The following SRCIN1 variants were observed in gnomAD, a reference collection of about 807,000 sequenced individuals.
SRCIN1 encodes P130Cas-associated protein.
A neutral mutation model predicts 116.2 loss-of-function variants in SRCIN1; 50 were observed. The ratio of observed to expected loss-of-function variants is 0.43; its 90% confidence interval spans 0.34 to 0.54. The LOEUF is 0.54. Ranked by LOEUF, SRCIN1 falls within the 20% of genes least tolerant of loss-of-function variation. SRCIN1 has a pLI of 0.02. For missense variants in SRCIN1, 1,446 were observed against 1,672.0 expected (o/e 0.86, Z 2.36); for synonymous variants, 736 against 750.0 (o/e 0.98, Z 0.30).
chr17:38,593,414 C>G (rs990435990), intron 1 of SRCIN1, among the ~76,000 whole-genome samples: 1 of 151,886 alleles, frequency 6.6e-6, no homozygotes, highest in Admixed American at 6.6e-5. Flanking sequence ...AAAAGGGGCA[C>G]GAGGGAATGG....
Position 38,531,433 on chromosome 17 carries a change from G to A in SRCIN1, c.*1864C>T, listed in dbSNP as rs1202204335. 1 of 142,480 alleles carries A rather than the reference G, an allele frequency of 7.0e-6. No homozygotes were observed. Among genetic ancestry groups the A allele is most frequent in the Non-Finnish European group, 1.5e-5 (1 of 66,126 alleles). 8.8% of individuals were successfully genotyped at this position (142,480 alleles called of 1,614,324 possible). ...AAATATTTATATATATTTATATTAC[G>A]TATATTATATATATAATATGTAAAT... On this transcript the variant is annotated 3_prime_UTR_variant, in exon 19 of 19. Coordinates refer to ENST00000617146, the MANE Select transcript of SRCIN1 (RefSeq NM_025248.3).
At position 38,563,332 on chromosome 17, in the gene SRCIN1, T is replaced by C; in HGVS notation, c.731A>G (p.Glu244Gly). The C allele has an allele frequency of 6.4e-7, 1 of 1,571,900 alleles. No individual in the cohort carries two copies. The highest frequency in any genetic ancestry group is 8.6e-7 in the Non-Finnish European group (1 of 1,157,858). Reference sequence around the variant, plus strand: ...CCCGGTCCACGCCCACCGGACGTCCTCCAGCTCGTAGAAGACGTTGCGAGC... The same window carrying C: ...CCCGGTCCACGCCCACCGGACGTCCCCCAGCTCGTAGAAGACGTTGCGAGC... ...DEARNVFYEL[E>G]DVRDIQDRSI... Residue 244 changes from glutamate (E) to glycine (G), a missense_variant, in exon 5 of 19, where the codon GAG (glutamate) becomes GGG (glycine). Physicochemically the swap from Glu to Gly is moderately conservative, Grantham distance 98 (BLOSUM62 -2). This residue lies in a region of SRCIN1 where 239 missense variants were observed against 317.7 expected (regional missense o/e 0.75). Transcript: ENST00000617146. This position sits in a 1 kb window ranked among gnomAD's most constrained non-coding sequence, Gnocchi z 5.8.
chr17:38,598,830 G>A (rs536218879), intron 1 of SRCIN1, among the ~76,000 whole-genome samples: 110 of 152,270 alleles, frequency 7.2e-4, no homozygotes, highest in African/African-American at 2.5e-3. Flanking sequence ...ATGGAGTGTG[G>A]CAAAGCCAGT....
rs1391002665 is a variant in SRCIN1 at position 38,531,426 on chromosome 17, A to C, written c.*1871T>G. On this transcript the variant is annotated 3_prime_UTR_variant, in exon 19 of 19. Transcript: ENST00000617146. ...CTTTTTTAAATATTTATATATATTT[A>C]TATTACGTATATTATATATATAATA... 1 of 138,872 alleles carries C rather than the reference A, an allele frequency of 7.2e-6. No homozygotes were observed. Among genetic ancestry groups the C allele is most frequent in the Non-Finnish European group, 1.5e-5 (1 of 64,990 alleles). 8.6% of individuals were successfully genotyped at this position (138,872 alleles called of 1,614,324 possible).
chr17:38,596,975 T>C (rs959729384), intron 1 of SRCIN1, among the ~76,000 whole-genome samples: 1 of 152,166 alleles, frequency 6.6e-6, no homozygotes, highest in Non-Finnish European at 1.5e-5. Flanking sequence ...CCCTGGGGCA[T>C]GCAGCAGTTA....
At position 38,558,316 on chromosome 17, in the gene SRCIN1, C is replaced by T. The variant is rs1905942053; in HGVS notation, c.2112G>A (p.Gln704=). 1 of 1,610,888 alleles carries T rather than the reference C, an allele frequency of 6.2e-7. No homozygotes were observed. The highest frequency in any genetic ancestry group is 8.5e-7 in the Non-Finnish European group (1 of 1,179,590). Residue 704 remains glutamine, a synonymous_variant, in exon 11 of 19, where the codon CAG becomes CAA. Transcript: ENST00000617146. This position sits in a 1 kb window ranked among gnomAD's most constrained non-coding sequence, Gnocchi z 4.6. The part of the protein sequence containing the change: ...SMRVSEAARR[Q]EDPLQRQRTL... ...TGCGCTGCCGCTGCAGCGGGTCCTCCTGCCGCCGCGCCGCCTCCGACACGC... is the reference window on the plus strand; with the variant it reads ...TGCGCTGCCGCTGCAGCGGGTCCTCTTGCCGCCGCGCCGCCTCCGACACGC...
intron 2 of SRCIN1, among the ~76,000 whole-genome samples, chr17:38,577,822 A>T (rs556606347): frequency 3.6e-4 from 55 of 152,322 alleles, no homozygotes; most frequent in African/African-American, 1.3e-3. Flanking sequence ...CTATAGAAGG[A>T]GACGGGTCCT....
intron 18 of SRCIN1, 39 bp from the exon 19 acceptor site, chr17:38,533,470 G>A (rs2040954217): frequency 6.3e-7 from 1 of 1,593,868 alleles, no homozygotes; most frequent in Non-Finnish European, 8.6e-7. Context: ...GAGAGCGGAA[G>A]GGAGCGCCTC....
At chr17:38,550,632 CT>C (rs777562362) in intron 15 of SRCIN1, among the ~76,000 whole-genome samples, 69 of 152,316 alleles carry the variant, frequency 4.5e-4, no homozygotes, top group Admixed American at 1.4e-3. Flanking sequence ...ATTTTGAGCT[CT>C]TTTAAAGCAA....
chr17:38,588,297 G>T (rs780966495), intron 1 of SRCIN1, among the ~76,000 whole-genome samples: 1 of 152,216 alleles, frequency 6.6e-6, no homozygotes, highest in Non-Finnish European at 1.5e-5. Flanking sequence ...AAGGAAGGGG[G>T]CAGAGATATG....
At chr17:38,554,617 C>T (rs1420876388) in intron 11 of SRCIN1, among the ~76,000 whole-genome samples, 1 of 152,146 alleles carries the variant, frequency 6.6e-6, no homozygotes, top group African/African-American at 2.4e-5. Context: ...TTCTGGACTA[C>T]TAACCCCAGG....
chr17:38,592,742 T>C (rs1297929535), intron 1 of SRCIN1, among the ~76,000 whole-genome samples: 2 of 151,982 alleles, frequency 1.3e-5, no homozygotes, highest in Non-Finnish European at 2.9e-5. Context: ...TTTAATGTGT[T>C]AGGCAATGTG....
In SRCIN1 at chr17:38,552,512, G is replaced by T; in HGVS notation, c.2415C>A (p.Pro805=). ...GCTTGAGGAGCCCATCCAGGCGCTG[G>T]GGCTCCTCCTTCAGGAACTTCACCG... ...VEAVKFLKEE[P]QRLDGLLKRC... is the part of the protein sequence containing the mutation. Residue 805 remains proline, a synonymous_variant, in exon 13 of 19, where the codon CCC becomes CCA. Coordinates refer to ENST00000617146, the MANE Select transcript of SRCIN1 (RefSeq NM_025248.3). The surrounding 1 kb of genome is among the most constrained non-coding windows in gnomAD (Gnocchi z 5.3). 1 of 1,605,142 alleles carries T rather than the reference G, an allele frequency of 6.2e-7. No homozygotes were observed. Among genetic ancestry groups the T allele is most frequent in the East Asian group, 2.3e-5 (1 of 44,306 alleles).
At position 38,563,342 on chromosome 17, in the gene SRCIN1, A is replaced by G. The variant is rs1005329570; in HGVS notation, c.721T>C (p.Tyr241His). ...GCCCACCGGACGTCCTCCAGCTCGT[A>G]GAAGACGTTGCGAGCCTCGTCTTTG... is the stretch of plus-strand genomic sequence containing the variant. ...LIKDEARNVFYELEDVRDIQD... is the reference protein window; with the variant it reads ...LIKDEARNVFHELEDVRDIQD... The change falls in exon 5 of 19, where the codon TAC becomes CAC. Residue 241 changes from tyrosine to histidine, a missense_variant. Tyr to His is a moderately conservative substitution (Grantham distance 83). Transcript: ENST00000617146. This position sits in a 1 kb window ranked among gnomAD's most constrained non-coding sequence, Gnocchi z 5.8. The G allele has an allele frequency of 5.1e-6, 8 of 1,575,720 alleles. No homozygotes were observed. The highest frequency in any genetic ancestry group is 6.9e-6 in the Non-Finnish European group (8 of 1,160,136).
In SRCIN1 at chr17:38,604,809, C is replaced by T. The variant is rs913157086; in HGVS notation, c.22+875G>A. Among the ~76,000 whole-genome samples the T allele has an allele frequency of 2.0e-5, 3 of 151,334 alleles. No homozygotes were observed. The highest frequency in any genetic ancestry group is 4.9e-5 in the African/African-American group (2 of 41,140). On this transcript the variant is annotated intron_variant, in intron 1 of 18. Coordinates refer to ENST00000617146, the MANE Select transcript of SRCIN1 (RefSeq NM_025248.3). This position sits in a 1 kb window ranked among gnomAD's most constrained non-coding sequence, Gnocchi z 4.3. ...GGGAGGGGGGGCCACGGTGCGTCCCCTTCCCAGCCCCACCCTCCACCCCTC... is the reference window on the plus strand; with the variant it reads ...GGGAGGGGGGGCCACGGTGCGTCCCTTTCCCAGCCCCACCCTCCACCCCTC...
chr17:38,575,540 C>T (rs1189221449), intron 2 of SRCIN1, among the ~76,000 whole-genome samples: 2 of 152,220 alleles, frequency 1.3e-5, no homozygotes, highest in Admixed American at 6.5e-5. Flanking sequence ...TGAGCCACTG[C>T]GCCCGGCCTC....
intron 1 of SRCIN1, among the ~76,000 whole-genome samples, chr17:38,581,873 G>A (rs1907842984): frequency 6.6e-6 from 1 of 152,136 alleles, no homozygotes; most frequent in Non-Finnish European, 1.5e-5. Context: ...AAAGTCAGAG[G>A]GTTGCCTCCC....
intron 1 of SRCIN1, among the ~76,000 whole-genome samples, chr17:38,597,880 G>A (rs1908805161): frequency 6.6e-6 from 1 of 152,200 alleles, no homozygotes; most frequent in Non-Finnish European, 1.5e-5. Context: ...CTAACCCCAG[G>A]CTGCCAGTGG....
chr17:38,553,533 C>G, intron 11 of SRCIN1, among the ~76,000 whole-genome samples: 1 of 152,156 alleles, frequency 6.6e-6, no homozygotes, highest in East Asian at 1.9e-4. Context: ...GGTCTCTTGT[C>G]TCGGGGGAAA....
Sources: allele counts gnomAD v4.1 joint callset (sites outside exome capture counted in the v4.1 genomes callset), GRCh38; gene constraint gnomAD v4.1.1; regional missense constraint gnomAD v4.1.1; non-coding constraint Gnocchi (gnomAD v3.1); transcripts MANE v1.5; gene names NCBI Gene and HGNC (gene_info 2026-07-23, HGNC 2026-07-21).